ASS1: variants seen among roughly 807,000 people sequenced by gnomAD.
The protein encoded by ASS1 is argininosuccinate synthase.
Under a neutral mutation model 60.5 loss-of-function variants are expected in ASS1, and 58 were observed. That is an observed-to-expected ratio of 0.96 (90% CI 0.78 to 1.19). The LOEUF (loss-of-function observed/expected upper bound fraction) is 1.19. Ranked by LOEUF, ASS1 falls within the 50% of genes most tolerant of loss-of-function variation. The probability of loss-of-function intolerance (pLI) is 0.00; values close to 1 mark genes in which losing one functional copy is unlikely to be tolerated. For synonymous variants in ASS1, 200 were observed against 206.9 expected (o/e 0.97, Z 0.29); for missense variants, 454 against 547.3 (o/e 0.83, Z 1.70).
chr9:130,464,499 G>T (rs895000337), intron 5 of ASS1, among the ~76,000 whole-genome samples: 6 of 152,172 alleles, frequency 3.9e-5, no homozygotes, highest in African/African-American at 2.4e-5. Flanking sequence ...GGGCAGGGAT[G>T]GCTCTGGCAC....
At chr9:130,446,513 G>A (rs927816561) in intron 1 of ASS1, among the ~76,000 whole-genome samples, 13 of 152,154 alleles carry the variant, frequency 8.5e-5, no homozygotes, top group Non-Finnish European at 1.3e-4. Flanking sequence ...CTCTGTGGGG[G>A]TGGATCAAGT....
chr9:130,466,681 C>T (rs1253192589), intron 5 of ASS1, 44 bp from the exon 6 acceptor site: 1 of 1,592,086 alleles, frequency 6.3e-7, no homozygotes, highest in South Asian at 1.1e-5. Flanking sequence ...AGGGGAAGCC[C>T]ACAGCTCGGC....
chr9:130,478,680 A>C lies in ASS1; in HGVS notation c.689-1036A>C, dbSNP rs1305537348. Among the ~76,000 whole-genome samples, 2 of 152,222 alleles carry C rather than the reference A, an allele frequency of 1.3e-5. No homozygotes were observed. Among genetic ancestry groups the C allele is most frequent in the Non-Finnish European group, 2.9e-5 (2 of 68,040 alleles). On this transcript the variant is annotated intron_variant, in intron 9 of 14. Coordinates refer to ENST00000352480, the MANE Select transcript of ASS1 (RefSeq NM_054012.4). The surrounding 1 kb of genome is among the most constrained non-coding windows in gnomAD (Gnocchi z 4.7). ...CAGGCCCCATCTAAGGCCCCAGCGA[A>C]GGCCGATAATAGGACCGGGGAGGGA... is the stretch of plus-strand genomic sequence containing the variant.
chr9:130,480,001 A>C (rs775078072), intron 10 of ASS1: 11 of 738,248 alleles, frequency 1.5e-5, no homozygotes, highest in Non-Finnish European at 2.5e-5. Context: ...GCCTTGGAAG[A>C]TAACAACCCC....
At chr9:130,499,058 A>G (rs559035330) in intron 13 of ASS1, among the ~76,000 whole-genome samples, 159 of 152,320 alleles carry the variant, frequency 1.0e-3, no homozygotes, top group African/African-American at 3.7e-3. Context: ...GCCTCCCTGC[A>G]GCTTGCGAAA....
At chr9:130,456,293 C>T (rs915816421) in intron 3 of ASS1, among the ~76,000 whole-genome samples, 1 of 152,062 alleles carries the variant, frequency 6.6e-6, no homozygotes, top group East Asian at 1.9e-4. Flanking sequence ...TGGTGAAACC[C>T]TGTCTCTACT....
chr9:130,471,967 G>T (rs1474461569), intron 8 of ASS1, among the ~76,000 whole-genome samples: 1 of 152,078 alleles, frequency 6.6e-6, no homozygotes, highest in Non-Finnish European at 1.5e-5. Flanking sequence ...TTGCACACCC[G>T]CCACCACCGG....
In ASS1 at chr9:130,478,697, G is replaced by A. The variant is rs976413306; in HGVS notation, c.689-1019G>A. Reference sequence around the variant, plus strand: ...CCCAGCGAAGGCCGATAATAGGACCGGGGAGGGAGAGAAAGGGAGAGAGGA... The same window carrying A: ...CCCAGCGAAGGCCGATAATAGGACCAGGGAGGGAGAGAAAGGGAGAGAGGA... On this transcript the variant is annotated intron_variant, in intron 9 of 14. Coordinates refer to ENST00000352480, the MANE Select transcript of ASS1 (RefSeq NM_054012.4). The surrounding 1 kb of genome is among the most constrained non-coding windows in gnomAD (Gnocchi z 4.7). Among the ~76,000 whole-genome samples the A allele has an allele frequency of 1.3e-5, 2 of 152,194 alleles. No individual in the cohort carries two copies. The highest frequency in any genetic ancestry group is 2.4e-5 in the African/African-American group (1 of 41,444).
intron 9 of ASS1, among the ~76,000 whole-genome samples, chr9:130,479,193 C>T (rs1220844824): frequency 6.6e-6 from 1 of 152,124 alleles, no homozygotes; most frequent in African/African-American, 2.4e-5. Flanking sequence ...GAGCGGGCAC[C>T]GTGTCACCCC....
chr9:130,479,103 C>T (rs1026722287), intron 9 of ASS1, among the ~76,000 whole-genome samples: 1 of 150,484 alleles, frequency 6.6e-6, no homozygotes, highest in Admixed American at 6.6e-5. Flanking sequence ...CCACCCACTG[C>T]CCCCACCCAA....
intron 9 of ASS1, among the ~76,000 whole-genome samples, chr9:130,479,029 C>T (rs549164965): frequency 1.8e-4 from 27 of 152,276 alleles, no homozygotes; most frequent in Non-Finnish European, 3.2e-4. Flanking sequence ...AGCCCCAATA[C>T]ATTTATTGCT....
At chr9:130,480,340 G>A in intron 10 of ASS1, 45 bp from the exon 11 acceptor site, 1 of 1,612,364 alleles carries the variant, frequency 6.2e-7, no homozygotes, top group Non-Finnish European at 8.5e-7. Context: ...GTGACTCTGA[G>A]CCTTGCGGTA....
chr9:130,477,144 A>G lies in ASS1; in HGVS notation c.688+183A>G, dbSNP rs940520310. ...CCCTGGACAGTACAACCCATGGACC[A>G]TGGATGCCTCTAGGCTTGGGAGGAA... On this transcript the variant is annotated intron_variant, in intron 9 of 14. Coordinates refer to ENST00000352480, the MANE Select transcript of ASS1 (RefSeq NM_054012.4). This position sits in a 1 kb window ranked among gnomAD's most constrained non-coding sequence, Gnocchi z 4.2. 6.6e-6 allele frequency among the ~76,000 whole-genome samples: 1 copy of G among 152,148 alleles called. No individual in the cohort carries two copies. The highest frequency in any genetic ancestry group is 2.4e-5 in the African/African-American group (1 of 41,436).
At chr9:130,464,018 C>T in intron 4 of ASS1, 93 bp from the exon 5 acceptor site, 1 of 1,393,220 alleles carries the variant, frequency 7.2e-7, no homozygotes. Flanking sequence ...CCAGCTCTGT[C>T]TCCGCCACGG....
rs148420212 is a variant in ASS1, at chr9:130,463,803, G to A, written c.364-308G>A. On this transcript the variant is annotated intron_variant, in intron 4 of 14. Transcript: ENST00000352480. The stretch of plus-strand genomic sequence containing the variant: ...AGACTATAGTGCGAGCTCTGGGGCT[G>A]CAGGAGCAGGGCCTGGCCCCCCAGG... 3.1e-4 allele frequency among the ~76,000 whole-genome samples: 47 copies of A among 152,288 alleles called. 1 individual carries two copies. Among genetic ancestry groups the A allele is most frequent in the Non-Finnish European group, 5.3e-4 (36 of 68,004 alleles).
intron 1 of ASS1, among the ~76,000 whole-genome samples, chr9:130,447,332 G>T (rs972265634): frequency 1.3e-5 from 2 of 152,236 alleles, no homozygotes; most frequent in Non-Finnish European, 2.9e-5. Context: ...GTAAATAGGT[G>T]GTAATGGCAG....
intron 6 of ASS1, among the ~76,000 whole-genome samples, chr9:130,468,354 A>G (rs1194784839): frequency 1.3e-5 from 2 of 152,104 alleles, no homozygotes; most frequent in Non-Finnish European, 1.5e-5. Context: ...CTCCCAACCC[A>G]TCGTCCAACG....
chr9:130,450,516 G>T (rs1194477440), intron 1 of ASS1, among the ~76,000 whole-genome samples: 1 of 152,186 alleles, frequency 6.6e-6, no homozygotes, highest in Non-Finnish European at 1.5e-5. Context: ...TGTGGGCACC[G>T]ACCAGAACCA....
intron 11 of ASS1, among the ~76,000 whole-genome samples, chr9:130,483,606 G>A (rs1846223666): frequency 1.3e-5 from 2 of 151,962 alleles, no homozygotes; most frequent in South Asian, 2.1e-4. Context: ...GAGGGAGGCC[G>A]GGAAGGAGCC....
Sources: gnomAD v4.1 joint callset for allele counts (sites outside exome capture counted in the v4.1 genomes callset) on GRCh38, gnomAD v4.1.1 for gene constraint, Gnocchi (gnomAD v3.1) non-coding constraint, MANE v1.5 for transcripts, NCBI Gene and HGNC (gene_info 2026-07-23, HGNC 2026-07-21) for gene names.